The following SKAP2 variants were observed in gnomAD, a reference collection of about 807,000 sequenced individuals.
SKAP2 encodes src kinase associated phosphoprotein 2, also known as src kinase-associated phosphoprotein 2.
A neutral mutation model predicts 54.9 loss-of-function variants in SKAP2; 28 were observed. The ratio of observed to expected loss-of-function variants is 0.51; its 90% CI spans 0.38 to 0.70. SKAP2 has a LOEUF of 0.70. SKAP2 is among the 30% of genes least tolerant of loss of function. The pLI, the probability that SKAP2 is intolerant of heterozygous loss-of-function variation, is 0.00. For synonymous variants in SKAP2, 137 were observed against 134.3 expected (o/e 1.02, Z -0.14); for missense variants, 356 against 424.1 (o/e 0.84, Z 1.41).
intron 4 of SKAP2, among the ~76,000 whole-genome samples, chr7:26,763,199 T>C (rs1429880814): frequency 6.6e-6 from 1 of 152,136 alleles, no homozygotes; most frequent in East Asian, 1.9e-4. Flanking sequence ...TTTAGTTACA[T>C]GGATAAAACC....
chr7:26,823,109 G>A (rs948379483), intron 4 of SKAP2, among the ~76,000 whole-genome samples: 4 of 151,920 alleles, frequency 2.6e-5, no homozygotes, highest in Admixed American at 2.6e-4. Flanking sequence ...TGCTACTCCA[G>A]TGAACACACA....
At position 26,864,563 on chromosome 7, in the gene SKAP2, C is replaced by T; in HGVS notation, c.-134G>A. 1 of 1,427,776 alleles carries T rather than the reference C, an allele frequency of 7.0e-7. No homozygotes were observed. The allele number at this position is 1,427,776 out of a possible 1,614,324, so 88.4% of individuals were successfully genotyped here. ...AGCGGGGCTACGAGTCGGGACACTG[C>T]CGGGCCGGGGCTCACAACAAGGAAG... is the stretch of plus-strand genomic sequence containing the variant. On this transcript the variant is annotated 5_prime_UTR_variant, in exon 1 of 13. Coordinates refer to ENST00000345317, the MANE Select transcript of SKAP2 (RefSeq NM_003930.5).
chr7:26,836,779 C>T (rs986499323), intron 4 of SKAP2, among the ~76,000 whole-genome samples: 4 of 152,144 alleles, frequency 2.6e-5, no homozygotes, highest in African/African-American at 4.8e-5. Context: ...GACAGTGTGA[C>T]GATTCCTCAA....
At chr7:26,740,923 G>C (rs1484861072) in intron 4 of SKAP2, among the ~76,000 whole-genome samples, 1 of 152,026 alleles carries the variant, frequency 6.6e-6, no homozygotes, top group South Asian at 2.1e-4. Context: ...AGGAGGCAGA[G>C]GTTGCAGTGA....
chr7:26,779,053 T>C (rs1783371519), intron 4 of SKAP2, among the ~76,000 whole-genome samples: 1 of 151,924 alleles, frequency 6.6e-6, no homozygotes, highest in African/African-American at 2.4e-5. Context: ...TTTGAATGAG[T>C]GACAAGATTT....
intron 4 of SKAP2, among the ~76,000 whole-genome samples, chr7:26,762,091 C>T (rs1782944883): frequency 6.6e-6 from 1 of 152,038 alleles, no homozygotes; most frequent in South Asian, 2.1e-4. Flanking sequence ...TTCCCTGGTA[C>T]ATTTAAATTA....
intron 4 of SKAP2, among the ~76,000 whole-genome samples, chr7:26,837,511 T>G (rs1032441866): frequency 6.6e-6 from 1 of 151,912 alleles, no homozygotes; most frequent in Non-Finnish European, 1.5e-5. Flanking sequence ...AGAGTGGGGT[T>G]GGGAGGTGCC....
chr7:26,671,975 C>T (rs1328811813), intron 11 of SKAP2, among the ~76,000 whole-genome samples: 1 of 152,092 alleles, frequency 6.6e-6, no homozygotes, highest in African/African-American at 2.4e-5. Flanking sequence ...TGTAAGATTT[C>T]AAAGTGGATA....
intron 4 of SKAP2, among the ~76,000 whole-genome samples, chr7:26,754,520 G>C (rs1332543113): frequency 6.6e-6 from 1 of 152,086 alleles, no homozygotes; most frequent in Non-Finnish European, 1.5e-5. Context: ...GGATCTGCCA[G>C]AGCTGACATA....
chr7:26,807,405 T>C (rs1342472649), intron 4 of SKAP2, among the ~76,000 whole-genome samples: 1 of 152,180 alleles, frequency 6.6e-6, no homozygotes, highest in Non-Finnish European at 1.5e-5. Flanking sequence ...CAAGATCTGA[T>C]AGTTTAAAAG....
At chr7:26,784,983 G>A (rs1783511005) in intron 4 of SKAP2, among the ~76,000 whole-genome samples, 1 of 152,084 alleles carries the variant, frequency 6.6e-6, no homozygotes, top group South Asian at 2.1e-4. Flanking sequence ...GGATAAATAG[G>A]TATTTTCTGT....
intron 3 of SKAP2, among the ~76,000 whole-genome samples, chr7:26,847,586 TA>T (rs1784952986): frequency 6.6e-6 from 1 of 152,020 alleles, no homozygotes; most frequent in Non-Finnish European, 1.5e-5. Context: ...ATATCCAATA[TA>T]ATTTACAGAC....
chr7:26,718,567 G>C (rs1489852461), intron 9 of SKAP2, among the ~76,000 whole-genome samples: 1 of 151,800 alleles, frequency 6.6e-6, no homozygotes, highest in Non-Finnish European at 1.5e-5. Flanking sequence ...CTGGAGTGCA[G>C]TGGTGAGATC....
intron 4 of SKAP2, among the ~76,000 whole-genome samples, chr7:26,777,507 A>C: frequency 6.6e-6 from 1 of 152,128 alleles, no homozygotes; most frequent in South Asian, 2.1e-4. Flanking sequence ...TCTTCTGTCA[A>C]TTTTCTTGCT....
intron 3 of SKAP2, among the ~76,000 whole-genome samples, chr7:26,852,386 A>G (rs1439066899): frequency 6.6e-6 from 1 of 152,210 alleles, no homozygotes; most frequent in Non-Finnish European, 1.5e-5. Context: ...TGAGTACACA[A>G]TGGCATAAAA....
At chr7:26,807,878 T>TC (rs1784062189) in intron 4 of SKAP2, among the ~76,000 whole-genome samples, 1 of 151,896 alleles carries the variant, frequency 6.6e-6, no homozygotes, top group East Asian at 1.9e-4. Flanking sequence ...GTTAGCACTT[T>TC]TTTTAGCAAT....
rs113529717 is a variant in SKAP2, at chr7:26,712,327, C to T, written c.796+13101G>A. ...TCAATCTGTAATTTGATCTTAAATA[C>T]AAGTTTGATATGATGGCCAAAAATT... is the stretch of plus-strand genomic sequence containing the variant. On this transcript the variant is annotated intron_variant, in intron 9 of 12. Coordinates refer to ENST00000345317, the MANE Select transcript of SKAP2 (RefSeq NM_003930.5). 4.9e-4 allele frequency among the ~76,000 whole-genome samples: 75 copies of T among 152,232 alleles called. 1 individual carries two copies. The highest frequency in any genetic ancestry group is 1.8e-3 in the African/African-American group (74 of 41,532).
intron 4 of SKAP2, among the ~76,000 whole-genome samples, chr7:26,824,131 T>C (rs1056721943): frequency 8.7e-5 from 9 of 103,764 alleles, no homozygotes; most frequent in Non-Finnish European, 1.5e-4. Flanking sequence ...TTCATTGCTG[T>C]CTTTATTTAA....
At chr7:26,773,808 A>T (rs1199078320) in intron 4 of SKAP2, among the ~76,000 whole-genome samples, 1 of 152,218 alleles carries the variant, frequency 6.6e-6, no homozygotes, top group African/African-American at 2.4e-5. Flanking sequence ...ATATGACAAA[A>T]CAATAACCAT....
Sources: gnomAD v4.1 joint callset for allele counts (sites outside exome capture counted in the v4.1 genomes callset) on GRCh38, gnomAD v4.1.1 for gene constraint, MANE v1.5 for transcripts, NCBI Gene and HGNC (gene_info 2026-07-23, HGNC 2026-07-21) for gene names.